Variants in HIBADH observed in about 807,000 individuals in gnomAD.
The protein encoded by HIBADH is 3-hydroxyisobutyrate dehydrogenase, mitochondrial.
HIBADH carries 25 observed loss-of-function variants against 36.1 expected under a neutral mutation model. That is an observed-to-expected ratio of 0.69 (90% confidence interval 0.50 to 0.97). The LOEUF is 0.97. Ranked by LOEUF, HIBADH falls within the 50% of genes least tolerant of loss-of-function variation. The pLI is 0.00. For synonymous variants in HIBADH, 160 were observed against 149.5 expected (o/e 1.07, Z -0.51); for missense variants, 421 against 418.0 (o/e 1.01, Z -0.06).
chr7:27,563,396 C>G (rs141609918), intron 4 of HIBADH, among the ~76,000 whole-genome samples: 1,923 of 152,286 alleles, frequency 0.013, 14 homozygotes, highest in Admixed American at 0.02. Flanking sequence ...TTTATCCAGG[C>G]TAGCATGAAG....
At chr7:27,634,501 G>C (rs1443633993) in intron 2 of HIBADH, among the ~76,000 whole-genome samples, 1 of 152,062 alleles carries the variant, frequency 6.6e-6, no homozygotes, top group Non-Finnish European at 1.5e-5. Context: ...AAAAAAAGTT[G>C]TAGTAGTCAT....
At chr7:27,625,917 C>A (rs1785632362) in intron 4 of HIBADH, among the ~76,000 whole-genome samples, 1 of 151,824 alleles carries the variant, frequency 6.6e-6, no homozygotes, top group Admixed American at 6.6e-5. Flanking sequence ...AACTGGCCAA[C>A]ATGGTGAAAC....
chr7:27,531,716 A>G (rs1784005065), intron 6 of HIBADH, among the ~76,000 whole-genome samples: 1 of 152,208 alleles, frequency 6.6e-6, no homozygotes, highest in Admixed American at 6.5e-5. Context: ...AAACAATATG[A>G]TAATTTAAAT....
At chr7:27,534,905 T>C (rs1036541571) in intron 6 of HIBADH, among the ~76,000 whole-genome samples, 34 of 151,468 alleles carry the variant, frequency 2.2e-4, no homozygotes, top group Non-Finnish European at 5.9e-5. Flanking sequence ...ACCCAGTGGA[T>C]AGATGTAATC....
rs375099573 is a variant in HIBADH at position 27,557,131 on chromosome 7, C to A, written c.485-14031G>T. Among the ~76,000 whole-genome samples the A allele has an allele frequency of 4.3e-5, 6 of 138,014 alleles. No individual in the cohort carries two copies. In the South Asian group the frequency reaches 7.4e-4, roughly 17 times the overall value. The allele number at this position is 138,014 out of a possible 152,430, so 90.5% of individuals were successfully genotyped here. A position where few individuals can be genotyped will look rare whatever the true frequency, so the allele number is the denominator to read the frequency against. ...CTCCAGCCTGAACAACAGAGTGAGA[C>A]CCTGTCTAAAAAGGAAAAAAAAAAA... is the stretch of plus-strand genomic sequence containing the variant. On this transcript the variant is annotated intron_variant, in intron 4 of 7. Coordinates refer to ENST00000265395, the MANE Select transcript of HIBADH (RefSeq NM_152740.4).
chr7:27,552,874 GATAA>G lies in HIBADH; in HGVS notation c.485-9778_485-9775del, dbSNP rs1443708121. Among the ~76,000 whole-genome samples, 8 of 152,310 alleles carry G rather than the reference GATAA, an allele frequency of 5.3e-5. No individual in the cohort carries two copies. The South Asian group carries it at 8.3e-4, about 16-fold the overall frequency. ...GTCACTGCAGCAGTTCCTCTGAATT[GATAA>G]ATAGAGCTCTGCATCAAAATATTTC... On this transcript the variant is annotated intron_variant, in intron 4 of 7. Coordinates refer to ENST00000265395, the MANE Select transcript of HIBADH (RefSeq NM_152740.4).
intron 4 of HIBADH, among the ~76,000 whole-genome samples, chr7:27,588,833 A>G (rs998075644): frequency 3.3e-5 from 5 of 152,230 alleles, no homozygotes; most frequent in African/African-American, 9.6e-5. Flanking sequence ...ATGAAAAAGT[A>G]GAGTGCCTAT....
At chr7:27,641,044 C>T (rs1244020099) in intron 2 of HIBADH, among the ~76,000 whole-genome samples, 1 of 152,010 alleles carries the variant, frequency 6.6e-6, no homozygotes, top group Non-Finnish European at 1.5e-5. Flanking sequence ...CCATCTTGCA[C>T]CTTGAAGGGA....
At chr7:27,648,635 T>G (rs1031749132) in intron 2 of HIBADH, among the ~76,000 whole-genome samples, 5 of 152,146 alleles carry the variant, frequency 3.3e-5, no homozygotes, top group African/African-American at 1.2e-4. Context: ...AAGAAGAATT[T>G]CCCTCATATC....
At chr7:27,644,865 T>C (rs1361516160) in intron 2 of HIBADH, among the ~76,000 whole-genome samples, 1 of 152,208 alleles carries the variant, frequency 6.6e-6, no homozygotes, top group Non-Finnish European at 1.5e-5. Flanking sequence ...ATCTACTTTG[T>C]GTCTCTATAT....
chr7:27,566,190 T>C (rs1374793491), intron 4 of HIBADH, among the ~76,000 whole-genome samples: 3 of 152,172 alleles, frequency 2.0e-5, no homozygotes, highest in Admixed American at 6.5e-5. Flanking sequence ...TGGGAAATAC[T>C]GCATACTCTT....
intron 4 of HIBADH, among the ~76,000 whole-genome samples, chr7:27,603,002 G>C (rs1053799138): frequency 2.0e-5 from 3 of 152,074 alleles, no homozygotes; most frequent in African/African-American, 7.2e-5. Flanking sequence ...ATTTACATCA[G>C]ATACAGCCAG....
intron 2 of HIBADH, among the ~76,000 whole-genome samples, chr7:27,636,464 G>A (rs1224922942): frequency 6.6e-6 from 1 of 152,156 alleles, no homozygotes; most frequent in Non-Finnish European, 1.5e-5. Flanking sequence ...GAAACATTTG[G>A]TCAACAATGA....
At chr7:27,568,872 GTC>G (rs1784585495) in intron 4 of HIBADH, among the ~76,000 whole-genome samples, 1 of 147,488 alleles carries the variant, frequency 6.8e-6, no homozygotes, top group African/African-American at 2.5e-5. Flanking sequence ...CTCTAAGTTT[GTC>G]TTTCACTAAA....
intron 4 of HIBADH, 74 bp downstream of exon 4, chr7:27,629,297 A>C: frequency 1.4e-6 from 2 of 1,448,110 alleles, no homozygotes; most frequent in South Asian, 2.8e-5. Flanking sequence ...ACAAAACCAT[A>C]TGGTACAACA....
At chr7:27,622,928 C>G (rs575857642) in intron 4 of HIBADH, among the ~76,000 whole-genome samples, 1 of 152,246 alleles carries the variant, frequency 6.6e-6, no homozygotes, top group South Asian at 2.1e-4. Context: ...TGGAATCACC[C>G]TGATCCCAAA....
chr7:27,552,604 T>G (rs1784333664), intron 4 of HIBADH, among the ~76,000 whole-genome samples: 1 of 152,228 alleles, frequency 6.6e-6, no homozygotes, highest in South Asian at 2.1e-4. Flanking sequence ...GACAGTCTTT[T>G]CTATGGCAGT....
intron 4 of HIBADH, among the ~76,000 whole-genome samples, chr7:27,601,287 T>G (rs1490761800): frequency 1.3e-5 from 2 of 152,076 alleles, no homozygotes; most frequent in African/African-American, 4.8e-5. Context: ...ACTGAAAGAT[T>G]ATATATATTG....
intron 4 of HIBADH, among the ~76,000 whole-genome samples, chr7:27,569,163 A>G (rs191563416): frequency 4.6e-5 from 7 of 152,208 alleles, no homozygotes; most frequent in African/African-American, 9.6e-5. Context: ...ATTTCTAATT[A>G]TTGTATTTTC....
Sources: allele counts gnomAD v4.1 joint callset (sites outside exome capture counted in the v4.1 genomes callset), GRCh38; gene constraint gnomAD v4.1.1; transcripts MANE v1.5; gene names NCBI Gene and HGNC (gene_info 2026-07-23, HGNC 2026-07-21).